SCML4: variants seen among roughly 807,000 people sequenced by gnomAD.
SCML4 encodes sex comb on midleg-like protein 4.
A neutral mutation model predicts 41.1 loss-of-function variants in SCML4; 34 were observed. The ratio of observed to expected loss-of-function variants is 0.83; its 90% CI spans 0.63 to 1.10. SCML4 has a LOEUF of 1.10. Ranked by LOEUF, SCML4 falls within the 50% of genes least tolerant of loss-of-function variation. SCML4 has a pLI of 0.00. For missense variants in SCML4, 522 were observed against 534.1 expected, an observed-to-expected ratio of 0.98 and a Z score of 0.22; for synonymous variants, 214 against 220.9, an observed-to-expected ratio of 0.97 and a Z score of 0.28.
In SCML4 at chr6:107,720,938, G is replaced by A. The variant is rs750826813; in HGVS notation, c.738C>T (p.Tyr246=). 14 of 1,613,932 alleles carry A rather than the reference G, an allele frequency of 8.7e-6. No homozygotes were observed. Among genetic ancestry groups the A allele is most frequent in the Non-Finnish European group, 1.0e-5 (12 of 1,179,916 alleles). The stretch of plus-strand genomic sequence containing the variant: ...AGGTGGAGGCGGAGGTGTCCACGCT[G>A]TAGCGGTTCATGCCCACAGGGTTCA... ...YLVNPVGMNR[Y]SVDTSASTFN... The change falls in exon 6 of 8, where the codon TAC becomes TAT. Residue 246 remains tyrosine (Y), a synonymous_variant. Coordinates refer to ENST00000369020, the MANE Select transcript of SCML4 (RefSeq NM_198081.5).
intron 1 of SCML4, among the ~76,000 whole-genome samples, chr6:107,811,208 C>T (rs888913080): frequency 2.0e-5 from 3 of 152,190 alleles, no homozygotes; most frequent in African/African-American, 7.2e-5. Context: ...GTGTAAGCCA[C>T]CCAGTCTGCA....
chr6:107,799,535 GT>G (rs1403799672), intron 1 of SCML4, among the ~76,000 whole-genome samples: 1 of 152,136 alleles, frequency 6.6e-6, no homozygotes, highest in African/African-American at 2.4e-5. Flanking sequence ...TTTAATATGT[GT>G]TTGCTCCATT....
chr6:107,813,624 G>A (rs1417665340), intron 1 of SCML4, among the ~76,000 whole-genome samples: 2 of 151,552 alleles, frequency 1.3e-5, no homozygotes, highest in Admixed American at 6.6e-5. Context: ...CTACTTTTTC[G>A]GGAGGAAGAT....
chr6:107,802,877 G>A (rs1783320104), intron 1 of SCML4, among the ~76,000 whole-genome samples: 1 of 151,946 alleles, frequency 6.6e-6, no homozygotes, highest in Non-Finnish European at 1.5e-5. Flanking sequence ...CCGAGTGCCT[G>A]CGATTGCAGT....
At chr6:107,837,423 A>C in the SCML4 span, among the ~76,000 whole-genome samples, 2 of 152,214 alleles carry the variant, frequency 1.3e-5, no homozygotes, top group African/African-American at 2.4e-5. Context: ...CCCCAGATGC[A>C]TGAAAGTTAG....
intron 2 of SCML4, among the ~76,000 whole-genome samples, chr6:107,762,504 T>C (rs1243247047): frequency 6.6e-6 from 1 of 152,262 alleles, no homozygotes; most frequent in South Asian, 2.1e-4. Flanking sequence ...CCTGTGAATG[T>C]GACCTTATTT....
chr6:107,773,496 G>A (rs528487172), intron 1 of SCML4, among the ~76,000 whole-genome samples: 1 of 149,438 alleles, frequency 6.7e-6, no homozygotes, highest in South Asian at 2.1e-4. Flanking sequence ...GGAGGCTGAG[G>A]CAGGAGAATT....
chr6:107,805,291 C>T (rs1184002479), intron 1 of SCML4, among the ~76,000 whole-genome samples: 1 of 152,194 alleles, frequency 6.6e-6, no homozygotes, highest in Non-Finnish European at 1.5e-5. Flanking sequence ...ACACCATCAG[C>T]TCCATGAAGG....
chr6:107,818,334 C>T (rs1324534651), intron 1 of SCML4, among the ~76,000 whole-genome samples: 1 of 150,502 alleles, frequency 6.6e-6, no homozygotes, highest in Non-Finnish European at 1.5e-5. Flanking sequence ...CCAAATCTTG[C>T]TTGAATCCAA....
At chr6:107,832,783 C>A in the SCML4 span, among the ~76,000 whole-genome samples, 1 of 152,138 alleles carries the variant, frequency 6.6e-6, no homozygotes, top group Non-Finnish European at 1.5e-5. Flanking sequence ...AGAAGAGAGG[C>A]CGTAGGGAGC....
intron 1 of SCML4, among the ~76,000 whole-genome samples, chr6:107,821,996 G>A (rs1312884334): frequency 2.6e-5 from 4 of 152,134 alleles, no homozygotes; most frequent in South Asian, 2.1e-4. Context: ...ATTCCTCTCC[G>A]AGCATTCCTT....
In SCML4 at chr6:107,802,740, CT is replaced by C. The variant is rs1385155857; in HGVS notation, c.-60+21385del. On this transcript the variant is annotated intron_variant, in intron 1 of 7. Transcript: ENST00000369020. Reference sequence around the variant, plus strand: ...CCTCTCCCTCTCCCCCTCCCTCTCCCTCTCCCCACGGTCTCCCTCTCCCTCT... The same window carrying C: ...CCTCTCCCTCTCCCCCTCCCTCTCCCCTCCCCACGGTCTCCCTCTCCCTCT... Among the ~76,000 whole-genome samples the C allele has an allele frequency of 9.7e-3, 1,417 of 146,812 alleles. 65 individuals carry two copies. The highest frequency in any genetic ancestry group is 0.035 in the African/African-American group (1,349 of 38,582).
At chr6:107,838,151 A>G in the SCML4 span, among the ~76,000 whole-genome samples, 111,542 of 151,834 alleles carry the variant, frequency 0.73, 41,387 homozygotes, top group East Asian at 0.95. Flanking sequence ...CAGGTGATCC[A>G]CCCACCTTGG....
chr6:107,746,850 T>C lies in SCML4; in HGVS notation c.326A>G (p.Tyr109Cys), dbSNP rs1562212595. Residue 109 changes from tyrosine to cysteine, a missense_variant, in exon 4 of 8, where the codon TAT becomes TGT. By Grantham distance (194) the Tyr-to-Cys change is radical. Coordinates refer to ENST00000369020, the MANE Select transcript of SCML4 (RefSeq NM_198081.5). ...YINKQANAGP[Y>C]LERKKVQQLP... ...CTGCTGCACCTTCTTCCTCTCCAGATAGGGCCCCGCATTGGCCTGCTTGTT... is the reference window on the plus strand; with the variant it reads ...CTGCTGCACCTTCTTCCTCTCCAGACAGGGCCCCGCATTGGCCTGCTTGTT... 2 of 1,614,028 alleles carry C rather than the reference T, an allele frequency of 1.2e-6. No homozygotes were observed. Among genetic ancestry groups the C allele is most frequent in the East Asian group, 2.2e-5 (1 of 44,880 alleles).
rs577581615 is a variant in SCML4 at position 107,703,471 on chromosome 6, G to A, written c.*1729C>T. Among the ~76,000 whole-genome samples, 2 of 152,330 alleles carry A rather than the reference G, an allele frequency of 1.3e-5. No individual in the cohort carries two copies. Among genetic ancestry groups the A allele is most frequent in the South Asian group, 4.1e-4 (2 of 4,830 alleles). The stretch of plus-strand genomic sequence containing the variant: ...TTTGTGTGTCTGAAAAGGAGGCTAC[G>A]ATGTGCTTTCTCAAGTACTGCACAT... On this transcript the variant is annotated 3_prime_UTR_variant, in exon 8 of 8. Coordinates refer to ENST00000369020, the MANE Select transcript of SCML4 (RefSeq NM_198081.5).
chr6:107,744,898 C>A, intron 5 of SCML4, 51 bp downstream of exon 5: 2 of 1,455,558 alleles, frequency 1.4e-6, no homozygotes, highest in Non-Finnish European at 1.9e-6. Context: ...GGCAGAGACA[C>A]CTGGGACAGG....
chr6:107,706,521 G>C (rs1210511801), intron 7 of SCML4, among the ~76,000 whole-genome samples: 1 of 152,232 alleles, frequency 6.6e-6, no homozygotes, highest in African/African-American at 2.4e-5. Flanking sequence ...AATGGTCACT[G>C]TGGAAGGCGG....
chr6:107,830,443 T>C, the SCML4 span, among the ~76,000 whole-genome samples: 5 of 152,018 alleles, frequency 3.3e-5, no homozygotes, highest in African/African-American at 9.7e-5. Flanking sequence ...GTTGGATGGG[T>C]GAGGGCAGGT....
At chr6:107,725,918 A>C (rs1775912721) in intron 5 of SCML4, among the ~76,000 whole-genome samples, 1 of 151,932 alleles carries the variant, frequency 6.6e-6, no homozygotes, top group Non-Finnish European at 1.5e-5. Context: ...CTCTACTAAA[A>C]ATACAAAAAT....
Sources: gnomAD v4.1 joint callset for allele counts (sites outside exome capture counted in the v4.1 genomes callset) on GRCh38, gnomAD v4.1.1 for gene constraint, MANE v1.5 for transcripts, NCBI Gene and HGNC (gene_info 2026-07-23, HGNC 2026-07-21) for gene names.